The following LTBP4 variants were observed in gnomAD, a reference collection of about 807,000 sequenced individuals.
The protein encoded by LTBP4 is latent transforming growth factor beta binding protein 4.
In LTBP4, 93 loss-of-function variants were observed where a neutral mutation model predicts 180.2. The ratio of observed to expected loss-of-function variants is 0.52; its 90% confidence interval spans 0.44 to 0.61. LTBP4 has a LOEUF of 0.61. Among genes scored for constraint, LTBP4 ranks in the 20% least tolerant of loss-of-function variants. The pLI is 0.00. For synonymous variants in LTBP4, 947 were observed against 934.5 expected, an observed-to-expected ratio of 1.01 and a Z score of -0.24; for missense variants, 2,116 against 2,256.5, an observed-to-expected ratio of 0.94 and a Z score of 1.26.
In LTBP4 at chr19:40,609,959, T is replaced by C; in HGVS notation, c.1684+88T>C. ...AGAGCCTCTCCAGCCCTCCCACGCT[T>C]CCCCTCTCGGGTCCCGCCCCAGGAC... On this transcript the variant is annotated intron_variant, in intron 11 of 29. Transcript: ENST00000396819. This position sits in a 1 kb window ranked among gnomAD's most constrained non-coding sequence, Gnocchi z 4.9. 1 of 1,429,888 alleles carries C rather than the reference T, an allele frequency of 7.0e-7. No homozygotes were observed. Among genetic ancestry groups the C allele is most frequent in the Non-Finnish European group, 9.2e-7 (1 of 1,089,684 alleles). The allele number at this position is 1,429,888 out of a possible 1,614,324, so 88.6% of individuals were successfully genotyped here.
At chr19:40,603,673 C>T (rs2081438889) in intron 1 of LTBP4, among the ~76,000 whole-genome samples, 1 of 152,236 alleles carries the variant, frequency 6.6e-6, no homozygotes, top group Non-Finnish European at 1.5e-5. Context: ...TCTCTGCGTC[C>T]TTTCCTCTCT....
Position 40,627,839 on chromosome 19 carries a change from A to G in LTBP4, c.4501A>G (p.Thr1501Ala). ...CTTCGACGGCTACCGCCTGGACATG[A>G]CCCGCATGGCCTGCGTTGGTGAGGG... is the stretch of plus-strand genomic sequence containing the variant. ...RCFDGYRLDM[T>A]RMACVDINEC... The change falls in exon 29 of 30, where the codon ACC (threonine) becomes GCC (alanine). Residue 1501 changes from threonine (T) to alanine (A), a missense_variant. Around this residue, in one of 5 missense-constraint regions of LTBP4, gnomAD observed 488 missense variants for 458.8 expected, o/e 1.06. Coordinates refer to ENST00000396819, the MANE Select transcript of LTBP4 (RefSeq NM_001042545.2). The G allele has an allele frequency of 1.3e-6, 2 of 1,568,344 alleles. No homozygotes were observed. Among genetic ancestry groups the G allele is most frequent in the African/African-American group, 2.7e-5 (2 of 74,246 alleles).
At chr19:40,599,198 GT>G, upstream of LTBP4, 1 of 1,607,922 alleles carries the variant, frequency 6.2e-7, no homozygotes. Context: ...TATTTATAGC[GT>G]TGCTGTTTGT....
intron 19 of LTBP4, 67 bp from the exon 20 acceptor site, chr19:40,616,822 G>A (rs1251065306): frequency 8.9e-6 from 14 of 1,574,636 alleles, no homozygotes; most frequent in South Asian, 4.5e-5. Context: ...CTTGGGCACC[G>A]GAAGTGGTGT....
At chr19:40,625,259 T>C (rs1259385575) in intron 26 of LTBP4, among the ~76,000 whole-genome samples, 1 of 1,498 alleles carries the variant, frequency 6.7e-4, no homozygotes, top group East Asian at 0.019. Context: ...TATTTATATA[T>C]ATATATATAT....
Position 40,622,725 on chromosome 19 carries a change from G to T in LTBP4, c.3484+58G>T. The T allele has an allele frequency of 6.5e-7, 1 of 1,537,802 alleles. No individual in the cohort carries two copies. The highest frequency in any genetic ancestry group is 8.8e-7 in the Non-Finnish European group (1 of 1,142,548). Reference sequence around the variant, plus strand: ...GGGCTTGGGTGGAAATACTGGGTGGGGTGTGGGCCTGGGACAGGGGACACT... The same window carrying T: ...GGGCTTGGGTGGAAATACTGGGTGGTGTGTGGGCCTGGGACAGGGGACACT... On this transcript the variant is annotated intron_variant, in intron 23 of 29. Transcript: ENST00000396819. The surrounding 1 kb of genome is among the most constrained non-coding windows in gnomAD (Gnocchi z 5.1).
intron 28 of LTBP4, 72 bp from the exon 29 acceptor site, chr19:40,627,633 C>T: frequency 4.6e-6 from 7 of 1,526,728 alleles, no homozygotes; most frequent in African/African-American, 1.4e-5. Flanking sequence ...GAGCCAAGGA[C>T]GCGCACCCAC....
In LTBP4 at chr19:40,601,620, G is replaced by T; in HGVS notation, c.233G>T (p.Gly78Val). 2.2e-6 allele frequency: 3 copies of T among 1,376,224 alleles called. No individual in the cohort carries two copies. The highest frequency in any genetic ancestry group is 1.7e-5 in the South Asian group (1 of 59,870). 85.3% of individuals were successfully genotyped at this position (1,376,224 alleles called of 1,614,324 possible). A position where few individuals can be genotyped will look rare whatever the true frequency, so the allele number is the denominator to read the frequency against. Residue 78 changes from glycine (G) to valine (V), a missense_variant, in exon 1 of 30, where the codon GGA becomes GTA. Coordinates refer to ENST00000396819, the MANE Select transcript of LTBP4 (RefSeq NM_001042545.2). The part of the protein sequence containing the change: ...SGAPGGAAPG[G>V]PGFRAFLCPL... ...GCTCCCGGCGGGGCGGCCCCGGGGG[G>T]ACCCGGCTTCCGCGCCTGTGAGTGC...
rs546411804 is a variant in LTBP4, at chr19:40,627,732, T to C, written c.4394T>C (p.Leu1465Pro). Reference protein sequence around the residue: ...AGSLAEPYEELEAEECGILDG... With the variant: ...AGSLAEPYEEPEAEECGILDG... ...TCCCTGGCTGAGCCCTACGAGGAGC[T>C]GGAGGCGGAGGAGTGCGGGATCCTG... The change falls in exon 29 of 30, where the codon CTG becomes CCG. Residue 1465 changes from leucine (L) to proline (P), a missense_variant. Around this residue, in one of 5 missense-constraint regions of LTBP4, gnomAD observed 488 missense variants for 458.8 expected, o/e 1.06. Coordinates refer to ENST00000396819, the MANE Select transcript of LTBP4 (RefSeq NM_001042545.2). The C allele has an allele frequency of 2.5e-6, 4 of 1,597,840 alleles. No homozygotes were observed. The highest frequency in any genetic ancestry group is 1.1e-5 in the South Asian group (1 of 87,910).
In LTBP4 at chr19:40,611,246, C is replaced by T; in HGVS notation, c.1905C>T (p.Phe635=). The change falls in exon 13 of 30, where the codon TTC becomes TTT. Residue 635 remains phenylalanine (F), a synonymous_variant. Coordinates refer to ENST00000396819, the MANE Select transcript of LTBP4 (RefSeq NM_001042545.2). This position sits in a 1 kb window ranked among gnomAD's most constrained non-coding sequence, Gnocchi z 4.4. ...GSFRCVCPAG[F]RGSACEEDVD... ...TCCGCTGTGTTTGCCCGGCTGGCTT[C>T]CGGGGCTCGGCGTGTGAAGAGGATG... The T allele has an allele frequency of 6.2e-7, 1 of 1,613,376 alleles. No individual in the cohort carries two copies.
In LTBP4 at chr19:40,629,212, G is replaced by A. The variant is rs573442808; in HGVS notation, c.4520-184G>A. Among the ~76,000 whole-genome samples the A allele has an allele frequency of 2.6e-5, 4 of 152,192 alleles. No homozygotes were observed. The South Asian group carries it at 8.3e-4, about 32-fold the overall frequency. On this transcript the variant is annotated intron_variant, in intron 29 of 29. Transcript: ENST00000396819. The surrounding 1 kb of genome is among the most constrained non-coding windows in gnomAD (Gnocchi z 4.5). The stretch of plus-strand genomic sequence containing the variant: ...CCACCATATCCATCTTACAGAACAC[G>A]AAACTGAAGCACAGTGAGGTTAAGC...
intron 6 of LTBP4, 86 bp from the exon 7 acceptor site, chr19:40,607,279 C>CCCCAACAA: frequency 8.9e-7 from 1 of 1,126,374 alleles, no homozygotes; most frequent in Non-Finnish European, 1.3e-6. Context: ...CCCCCAACCC[C>CCCCAACAA]AGAACCATTC....
rs182408781 is a variant in LTBP4 at position 40,610,662 on chromosome 19, G to A, written c.1810+5G>A. The A allele has an allele frequency of 2.6e-5, 41 of 1,577,674 alleles. No homozygotes were observed. Among genetic ancestry groups the A allele is most frequent in the East Asian group, 2.5e-4 (11 of 44,380 alleles). ...CGCACGGAGCCAGCTGCCAGGGTGA[G>A]GGCCTGGGAGGGGCAGCTGGGAAGG... On this transcript the variant is annotated splice_donor_5th_base_variant and intron_variant, in intron 12 of 29. Coordinates refer to ENST00000396819, the MANE Select transcript of LTBP4 (RefSeq NM_001042545.2).
At chr19:40,627,654 A>T (rs912335806) in intron 28 of LTBP4, 51 bp from the exon 29 acceptor site, 72 of 1,550,334 alleles carry the variant, frequency 4.6e-5, no homozygotes, top group Non-Finnish European at 5.9e-5. Context: ...CGTTGTGGGT[A>T]AGGGGTGAAG....
intron 19 of LTBP4, among the ~76,000 whole-genome samples, chr19:40,614,916 A>G (rs1196781742): frequency 2.0e-5 from 3 of 151,960 alleles, no homozygotes; most frequent in African/African-American, 4.8e-5. Flanking sequence ...AGAAATTCCC[A>G]AGGTGAAATT....
Position 40,611,380 on chromosome 19 carries a change from G to T in LTBP4, c.2039G>T (p.Gly680Val). 1 of 1,606,644 alleles carries T rather than the reference G, an allele frequency of 6.2e-7. No homozygotes were observed. Among genetic ancestry groups the T allele is most frequent in the South Asian group, 1.1e-5 (1 of 90,876 alleles). ...CPAGFRSRGP[G>V]APCQDVDECA... is the part of the protein sequence containing the mutation. ...GCTGGCTTCCGCTCCCGAGGGCCCGGGGCCCCCTGCCAAGGTGAGGGTGCT... is the reference window on the plus strand; with the variant it reads ...GCTGGCTTCCGCTCCCGAGGGCCCGTGGCCCCCTGCCAAGGTGAGGGTGCT... Residue 680 changes from glycine (G) to valine (V), a missense_variant, in exon 13 of 30, where the codon GGG becomes GTG. Transcript: ENST00000396819. The surrounding 1 kb of genome is among the most constrained non-coding windows in gnomAD (Gnocchi z 4.4).
At chr19:40,620,767 C>CAA (rs57662483) in intron 22 of LTBP4, among the ~76,000 whole-genome samples, 1,049 of 100,162 alleles carry the variant, frequency 0.01, 5 homozygotes, top group African/African-American at 0.015. Flanking sequence ...GACTCCGTCC[C>CAA]AAAAAAAAAA....
chr19:40,616,964 G>A lies in LTBP4; in HGVS notation c.2888G>A (p.Arg963His), dbSNP rs1208444303. 106 of 1,613,902 alleles carry A rather than the reference G, an allele frequency of 6.6e-5. No individual in the cohort carries two copies. The highest frequency in any genetic ancestry group is 1.6e-4 in the Middle Eastern group (1 of 6,084). The change falls in exon 20 of 30, where the codon CGC becomes CAC. Residue 963 changes from arginine to histidine, a missense_variant. Arg to His is a conservative substitution (Grantham distance 29). Around this residue, in one of 5 missense-constraint regions of LTBP4, gnomAD observed 877 missense variants for 873.6 expected, o/e 1.00. Coordinates refer to ENST00000396819, the MANE Select transcript of LTBP4 (RefSeq NM_001042545.2). ...QRCENTPGSY[R>H]CTPACDPGYQ... ...TGTGAGAACACCCCTGGCTCCTACC[G>A]CTGCACACCAGCCTGTGACCCTGGC...
At chr19:40,624,164 C>A in intron 26 of LTBP4, 82 bp downstream of exon 26, 1 of 1,427,202 alleles carries the variant, frequency 7.0e-7, no homozygotes, top group South Asian at 1.4e-5. Context: ...TTGCGACGGC[C>A]ACGCCCTCCG....
Sources: allele counts gnomAD v4.1 joint callset (sites outside exome capture counted in the v4.1 genomes callset), GRCh38; gene constraint gnomAD v4.1.1; regional missense constraint gnomAD v4.1.1; non-coding constraint Gnocchi (gnomAD v3.1); transcripts MANE v1.5; gene names NCBI Gene and HGNC (gene_info 2026-07-23, HGNC 2026-07-21).